Variants in KLF12 observed in about 807,000 individuals in gnomAD.
KLF12 encodes the protein Krueppel-like factor 12.
In KLF12, 9 loss-of-function variants were observed where a neutral mutation model predicts 37.8. The observed-to-expected ratio is 0.24, with a 90% CI of 0.14 to 0.42. KLF12 has a LOEUF of 0.42. Among genes scored for constraint, KLF12 ranks in the 10% least tolerant of loss-of-function variants. The pLI is 1.00. For missense variants in KLF12, 411 were observed against 516.0 expected (o/e 0.80, Z 1.97); for synonymous variants, 208 against 202.1 (o/e 1.03, Z -0.25).
chr13:73,948,887 T>C (rs1334182886), intron 2 of KLF12, among the ~76,000 whole-genome samples: 1 of 152,230 alleles, frequency 6.6e-6, no homozygotes, highest in African/African-American at 2.4e-5. Context: ...TCTACTGCCA[T>C]GCAACAAATC....
At chr13:73,895,013 G>C (rs888061935) in intron 3 of KLF12, among the ~76,000 whole-genome samples, 1 of 151,912 alleles carries the variant, frequency 6.6e-6, no homozygotes, top group Non-Finnish European at 1.5e-5. Context: ...AAAATGTCTT[G>C]GCATTATATA....
At chr13:74,275,818 CTTT>C in the KLF12 span, among the ~76,000 whole-genome samples, 10 of 103,080 alleles carry the variant, frequency 9.7e-5, no homozygotes, top group East Asian at 2.4e-3. Flanking sequence ...TTCTTTCTTT[CTTT>C]CTTTCTTTCT....
chr13:73,963,338 T>C (rs958006951), intron 2 of KLF12, among the ~76,000 whole-genome samples: 10 of 121,904 alleles, frequency 8.2e-5, no homozygotes, highest in Admixed American at 7.1e-4. Context: ...TGCTGAAGTA[T>C]AGTACTTCAG....
intron 5 of KLF12, among the ~76,000 whole-genome samples, chr13:73,778,635 G>A (rs1028149650): frequency 1.3e-5 from 2 of 152,134 alleles, no homozygotes; most frequent in African/African-American, 4.8e-5. Context: ...AAAGTGCTGG[G>A]ATTACAAGCG....
intron 5 of KLF12, among the ~76,000 whole-genome samples, chr13:73,811,830 A>T (rs1317903957): frequency 6.6e-6 from 1 of 152,236 alleles, no homozygotes; most frequent in East Asian, 1.9e-4. Flanking sequence ...AACATATAAT[A>T]CAAATTATCT....
At chr13:73,744,173 A>G (rs1878203378) in intron 6 of KLF12, among the ~76,000 whole-genome samples, 1 of 152,192 alleles carries the variant, frequency 6.6e-6, no homozygotes, top group African/African-American at 2.4e-5. Flanking sequence ...ATAAGAATTC[A>G]AGTCTGACTT....
At chr13:74,066,363 T>C (rs547095407) in intron 1 of KLF12, among the ~76,000 whole-genome samples, 4 of 152,294 alleles carry the variant, frequency 2.6e-5, no homozygotes, top group Admixed American at 6.5e-5. Context: ...ATACATTATA[T>C]TGAAAGAGCC....
At chr13:74,131,384 AGAGT>A (rs1878252713) in intron 1 of KLF12, among the ~76,000 whole-genome samples, 1 of 152,166 alleles carries the variant, frequency 6.6e-6, no homozygotes, top group Admixed American at 6.6e-5. Flanking sequence ...TGGCCTGGGG[AGAGT>A]GAGTACACTA....
chr13:73,695,765 A>G, intron 7 of KLF12, 94 bp from the exon 8 acceptor site: 1 of 1,187,228 alleles, frequency 8.4e-7, no homozygotes, highest in South Asian at 1.4e-5. Flanking sequence ...GGTGTTCTCA[A>G]TGAATTTTCC....
intron 1 of KLF12, among the ~76,000 whole-genome samples, chr13:74,058,391 C>G (rs1215896100): frequency 1.6e-5 from 2 of 122,542 alleles, no homozygotes; most frequent in East Asian, 4.9e-4. Context: ...GAGTCTCGCT[C>G]TGTCACCCAG....
intron 2 of KLF12, among the ~76,000 whole-genome samples, chr13:73,946,024 C>T (rs1371184410): frequency 6.6e-6 from 1 of 152,130 alleles, no homozygotes; most frequent in African/African-American, 2.4e-5. Flanking sequence ...TGGCTTACCA[C>T]CATCCAGTCT....
At chr13:73,937,250 G>A (rs1249347977) in intron 3 of KLF12, among the ~76,000 whole-genome samples, 1 of 151,922 alleles carries the variant, frequency 6.6e-6, no homozygotes, top group Non-Finnish European at 1.5e-5. Context: ...ACTCTGAACC[G>A]GTATGCAAAC....
chr13:73,888,676 GA>G (rs1887351992), intron 3 of KLF12, among the ~76,000 whole-genome samples: 1 of 152,146 alleles, frequency 6.6e-6, no homozygotes, highest in Admixed American at 6.5e-5. Flanking sequence ...TGTCACAAAA[GA>G]AACAACAATT....
chr13:74,272,156 A>G, the KLF12 span, among the ~76,000 whole-genome samples: 3 of 152,362 alleles, frequency 2.0e-5, no homozygotes, highest in South Asian at 2.1e-4. Flanking sequence ...AGTGCTACTT[A>G]TAATTACTCT....
At chr13:73,846,519 G>T (rs556421418) in intron 3 of KLF12, 146 bp from the exon 4 acceptor site, 1 of 781,908 alleles carries the variant, frequency 1.3e-6, no homozygotes, top group Admixed American at 2.9e-5. Context: ...GGATTGCTCA[G>T]AGACAGTCAC....
chr13:73,696,457 C>G (rs755540110), intron 7 of KLF12, among the ~76,000 whole-genome samples: 17 of 152,144 alleles, frequency 1.1e-4, no homozygotes, highest in Non-Finnish European at 2.5e-4. Context: ...AAAAGATACA[C>G]TAGCCATTGT....
the KLF12 span, among the ~76,000 whole-genome samples, chr13:74,213,641 CCCTT>C: frequency 7.0e-5 from 10 of 143,812 alleles, no homozygotes; most frequent in Non-Finnish European, 1.1e-4. Flanking sequence ...CTTCTTTCCT[CCCTT>C]CCTTCCTTCC....
At chr13:73,756,543 G>A (rs568422332) in intron 6 of KLF12, among the ~76,000 whole-genome samples, 3 of 152,280 alleles carry the variant, frequency 2.0e-5, no homozygotes, top group South Asian at 2.1e-4. Flanking sequence ...TTTCTAAAAC[G>A]TAAGGCATTA....
chr13:73,710,823 C>A (rs1875341867), intron 7 of KLF12, among the ~76,000 whole-genome samples: 1 of 151,522 alleles, frequency 6.6e-6, no homozygotes, highest in South Asian at 2.1e-4. Context: ...CACTTTAAAT[C>A]AAAAGCTATA....
Sources: gnomAD v4.1 joint callset for allele counts (sites outside exome capture counted in the v4.1 genomes callset) on GRCh38, gnomAD v4.1.1 for gene constraint, MANE v1.5 for transcripts, NCBI Gene and HGNC (gene_info 2026-07-23, HGNC 2026-07-21) for gene names.